Variants in NLRP11 observed in about 807,000 individuals in gnomAD.
NLRP11 encodes NLR family pyrin domain containing 11.
NLRP11 carries 53 observed loss-of-function variants against 79.3 expected under a neutral mutation model. The observed-to-expected ratio is 0.67, with a 90% CI of 0.54 to 0.84. The LOEUF is 0.84. Among genes scored for constraint, NLRP11 ranks in the 40% least tolerant of loss-of-function variants. The pLI is 0.00. For synonymous variants in NLRP11, 518 were observed against 462.6 expected (o/e 1.12, Z -1.54); for missense variants, 1,264 against 1,255.0 (o/e 1.01, Z -0.11).
At chr19:55,802,424 T>C (rs7245988) in intron 4 of NLRP11, among the ~76,000 whole-genome samples, 14,107 of 152,108 alleles carry the variant, frequency 0.093, 706 homozygotes, top group African/African-American at 0.11. Context: ...CTATCCACAA[T>C]TGCTCACAAA....
chr19:55,821,249 A>ACACACACCC (rs1443325918), intron 1 of NLRP11, among the ~76,000 whole-genome samples: 34 of 124,442 alleles, frequency 2.7e-4, no homozygotes, highest in African/African-American at 7.8e-4. Context: ...ACACACACAC[A>ACACACACCC]CCCCAAGCAC....
intron 5 of NLRP11, among the ~76,000 whole-genome samples, chr19:55,799,191 C>T (rs756226693): frequency 1.2e-4 from 18 of 152,000 alleles, no homozygotes; most frequent in South Asian, 4.1e-4. Flanking sequence ...TGCTTGAACC[C>T]GGGAGGCAGA....
chr19:55,787,367 T>C (rs181189885), intron 9 of NLRP11, among the ~76,000 whole-genome samples: 54 of 152,252 alleles, frequency 3.5e-4, no homozygotes, highest in Middle Eastern at 3.4e-3. Context: ...GATGGAGTCT[T>C]GCTCTGTCAC....
intron 7 of NLRP11, among the ~76,000 whole-genome samples, chr19:55,790,582 G>T (rs888847515): frequency 6.6e-6 from 1 of 152,138 alleles, no homozygotes; most frequent in Admixed American, 6.5e-5. Flanking sequence ...AGGAGTGCCT[G>T]ACACTTAACA....
rs557641021 is a variant in NLRP11 at position 55,812,537 on chromosome 19, C to T, written c.272-2199G>A. Among the ~76,000 whole-genome samples the T allele has an allele frequency of 3.9e-5, 6 of 152,228 alleles. No individual in the cohort carries two copies. The South Asian group carries it at 6.2e-4, about 16-fold the overall frequency. On this transcript the variant is annotated intron_variant, in intron 2 of 9. Coordinates refer to ENST00000589093, the Ensembl canonical transcript of NLRP11. ...GAATCAGAAATGCAAATAAAAATCA[C>T]GATGAGCTATTCCCTTCACACCTGT...
At chr19:55,831,588 C>A (rs1982793239) in intron 1 of NLRP11, among the ~76,000 whole-genome samples, 1 of 151,746 alleles carries the variant, frequency 6.6e-6, no homozygotes. Flanking sequence ...TAAAAATATT[C>A]TTTTCATCTC....
chr19:55,817,958 A>G, exon 2 of NLRP11: 1 of 1,613,416 alleles, frequency 6.2e-7, no homozygotes, highest in African/African-American at 1.3e-5. Context: ...ATCATTGAAA[A>G]TATGCTGAAG....
chr19:55,827,667 G>C (rs1465507180), intron 1 of NLRP11, among the ~76,000 whole-genome samples: 1 of 151,456 alleles, frequency 6.6e-6, no homozygotes, highest in African/African-American at 2.4e-5. Context: ...ATGAAAAAAT[G>C]CTCATCATCA....
At chr19:55,813,331 A>G (rs989646739) in intron 2 of NLRP11, among the ~76,000 whole-genome samples, 2 of 152,096 alleles carry the variant, frequency 1.3e-5, no homozygotes, top group African/African-American at 4.8e-5. Context: ...AAGCAGAGGA[A>G]AGTTACAGGT....
At chr19:55,807,330 GTACAGCTGCTTTTCACCTGATTC>G (rs1449881682) in intron 4 of NLRP11, among the ~76,000 whole-genome samples, 1 of 152,126 alleles carries the variant, frequency 6.6e-6, no homozygotes, top group Non-Finnish European at 1.5e-5. Flanking sequence ...GTTTAGGCAA[GTACAGCTGCTTTTCACCTGATTC>G]TAACGCATTC....
chr19:55,817,075 G>A (rs11672562), intron 2 of NLRP11, among the ~76,000 whole-genome samples: 33,876 of 151,700 alleles, frequency 0.22, 5,766 homozygotes, highest in African/African-American at 0.48. Context: ...AAATGAATAT[G>A]AAAAAAATGC....
At chr19:55,822,973 CAA>C (rs1313174013) in intron 1 of NLRP11, among the ~76,000 whole-genome samples, 1 of 151,950 alleles carries the variant, frequency 6.6e-6, no homozygotes, top group African/African-American at 2.4e-5. Flanking sequence ...CACAGACAAA[CAA>C]AAAGACAGCA....
intron 6 of NLRP11, among the ~76,000 whole-genome samples, chr19:55,794,878 GAAT>G (rs1345621523): frequency 6.6e-6 from 1 of 151,954 alleles, no homozygotes; most frequent in African/African-American, 2.4e-5. Flanking sequence ...AGAATATAAA[GAAT>G]ATTATATCAG....
chr19:55,805,104 G>A (rs299170), intron 4 of NLRP11, among the ~76,000 whole-genome samples: 118,149 of 151,862 alleles, frequency 0.78, 46,587 homozygotes, highest in African/African-American at 0.9. Flanking sequence ...TGAGGAAAAA[G>A]AAGTTGTCCT....
At chr19:55,829,646 G>A (rs1266530013) in intron 1 of NLRP11, among the ~76,000 whole-genome samples, 3 of 130,816 alleles carry the variant, frequency 2.3e-5, no homozygotes, top group Admixed American at 1.8e-4. Flanking sequence ...CAGCCTGGGC[G>A]AGACTCCGTC....
intron 1 of NLRP11, among the ~76,000 whole-genome samples, chr19:55,827,339 C>CA (rs1475654140): frequency 6.7e-6 from 1 of 148,776 alleles, no homozygotes; most frequent in East Asian, 2.1e-4. Flanking sequence ...CATGACCATT[C>CA]AGGACATAGG....
Position 55,796,768 on chromosome 19 carries a change from C to G in NLRP11, c.2172-518G>C, listed in dbSNP as rs187144299. Among the ~76,000 whole-genome samples the G allele has an allele frequency of 7.0e-4, 107 of 151,904 alleles. 1 individual carries two copies. The highest frequency in any genetic ancestry group is 3.4e-3 in the Middle Eastern group (1 of 294). On this transcript the variant is annotated intron_variant, in intron 5 of 9. Transcript: ENST00000589093. The stretch of plus-strand genomic sequence containing the variant: ...ATGGTGCGATCTCGGCTCACTGCAA[C>G]CTCTGCCTCCCGGGTTTTTAAGCGA...
At chr19:55,798,252 C>T in intron 5 of NLRP11, 8 of 854,442 alleles carry the variant, frequency 9.4e-6, no homozygotes, top group Non-Finnish European at 1.1e-5. Flanking sequence ...CCCGCCTCGG[C>T]CTCCCAAAGT....
upstream of NLRP11, among the ~76,000 whole-genome samples, chr19:55,833,174 A>G (rs562923509): frequency 1.3e-5 from 2 of 152,388 alleles, no homozygotes; most frequent in East Asian, 1.9e-4. Flanking sequence ...TGAATGATAT[A>G]CAATGTTATT....
Sources: gnomAD v4.1 joint callset for allele counts (sites outside exome capture counted in the v4.1 genomes callset) on GRCh38, gnomAD v4.1.1 for gene constraint, MANE v1.5 for transcripts, NCBI Gene and HGNC (gene_info 2026-07-23, HGNC 2026-07-21) for gene names.